SHANK2: variants seen among roughly 807,000 people sequenced by gnomAD.
SHANK2 encodes the protein SH3 and multiple ankyrin repeat domains protein 2.
Under a neutral mutation model 133.7 loss-of-function variants are expected in SHANK2, and 43 were observed. The observed-to-expected ratio is 0.32, with a 90% CI of 0.25 to 0.41. SHANK2 has a LOEUF of 0.41. Ranked by LOEUF, SHANK2 falls within the 10% of genes least tolerant of loss-of-function variation. The probability of loss-of-function intolerance (pLI) is 1.00; values close to 1 mark genes in which losing one functional copy is unlikely to be tolerated. For missense variants in SHANK2, 1,994 were observed against 2,235.8 expected, an observed-to-expected ratio of 0.89 and a Z score of 2.18; for synonymous variants, 1,017 against 952.8, an observed-to-expected ratio of 1.07 and a Z score of -1.24.
intron 6 of SHANK2, among the ~76,000 whole-genome samples, chr11:71,109,227 C>T (rs1426503257): frequency 3.9e-5 from 6 of 152,106 alleles, no homozygotes; most frequent in African/African-American, 1.4e-4. Flanking sequence ...CCAGTAGGAC[C>T]TAACCTCTGC....
chr11:71,127,663 T>C (rs1952216592), intron 3 of SHANK2, among the ~76,000 whole-genome samples: 1 of 152,220 alleles, frequency 6.6e-6, no homozygotes, highest in African/African-American at 2.4e-5. Context: ...CACTGCTTTT[T>C]TAGACATGAT....
chr11:71,183,563 C>A (rs1420505397), intron 2 of SHANK2, among the ~76,000 whole-genome samples: 1 of 152,218 alleles, frequency 6.6e-6, no homozygotes, highest in Non-Finnish European at 1.5e-5. Context: ...CTAGAAATCA[C>A]TACATCAATG....
intron 10 of SHANK2, among the ~76,000 whole-genome samples, chr11:70,932,987 A>G (rs1477011633): frequency 1.3e-5 from 2 of 152,222 alleles, no homozygotes; most frequent in South Asian, 2.1e-4. Context: ...TAGAATTCCT[A>G]TATGACCCAG....
intron 15 of SHANK2, among the ~76,000 whole-genome samples, chr11:70,675,426 T>C (rs1944888515): frequency 6.6e-6 from 1 of 152,142 alleles, no homozygotes; most frequent in African/African-American, 2.4e-5. Flanking sequence ...GGTTGAGTGA[T>C]TTGCACCAGA....
At chr11:70,886,704 C>A (rs1555073584) in intron 11 of SHANK2, among the ~76,000 whole-genome samples, 1 of 146,154 alleles carries the variant, frequency 6.8e-6, no homozygotes. Flanking sequence ...CAATCACACA[C>A]ACACACACAC....
intron 14 of SHANK2, among the ~76,000 whole-genome samples, chr11:70,707,225 A>G (rs1288990224): frequency 6.6e-6 from 1 of 152,010 alleles, no homozygotes; most frequent in Non-Finnish European, 1.5e-5. Context: ...TATAAAATTT[A>G]GCTGGGTGTG....
chr11:70,474,457 G>C (rs2058637552), intron 25 of SHANK2: 1 of 152,274 alleles, frequency 6.6e-6, no homozygotes, highest in South Asian at 2.1e-4. Context: ...ACAGGCAGGA[G>C]GTCCCATCTC....
At chr11:71,234,183 TAAAAAAAAAAAAA>T (rs71049965) in intron 1 of SHANK2, among the ~76,000 whole-genome samples, 1 of 35,472 alleles carries the variant, frequency 2.8e-5, no homozygotes, top group Admixed American at 5.0e-4. Flanking sequence ...CCCTCTCTAC[TAAAAAAAAAAAAA>T]AAAAAAAAAA....
intron 14 of SHANK2, among the ~76,000 whole-genome samples, chr11:70,734,343 G>A (rs1322316490): frequency 6.6e-6 from 1 of 152,232 alleles, no homozygotes; most frequent in African/African-American, 2.4e-5. Context: ...GAGGTCGAGT[G>A]AAGGTGTGTG....
chr11:70,672,377 C>A (rs1238936641), intron 15 of SHANK2, among the ~76,000 whole-genome samples: 8 of 152,160 alleles, frequency 5.3e-5, no homozygotes, highest in African/African-American at 1.9e-4. Context: ...CCATTATAAT[C>A]GAGGATAAAA....
At chr11:70,732,946 C>T (rs149795347) in intron 14 of SHANK2, among the ~76,000 whole-genome samples, 80 of 152,358 alleles carry the variant, frequency 5.3e-4, no homozygotes, top group African/African-American at 1.8e-3. Context: ...ACACAGCCCG[C>T]GCGAATAGTG....
intron 17 of SHANK2, among the ~76,000 whole-genome samples, chr11:70,539,177 C>T (rs2059581798): frequency 6.6e-6 from 1 of 152,124 alleles, no homozygotes; most frequent in Non-Finnish European, 1.5e-5. Context: ...GAGGGAGAGG[C>T]CGGATGGCAG....
At chr11:70,606,787 T>C (rs1322413299) in intron 17 of SHANK2, among the ~76,000 whole-genome samples, 2 of 152,188 alleles carry the variant, frequency 1.3e-5, no homozygotes, top group East Asian at 1.9e-4. Flanking sequence ...TCTGCAGTCC[T>C]GATTCCTGTT....
intron 6 of SHANK2, among the ~76,000 whole-genome samples, chr11:71,099,852 G>A (rs1297343491): frequency 6.6e-6 from 1 of 152,066 alleles, no homozygotes; most frequent in Non-Finnish European, 1.5e-5. Context: ...AGGAGTTCAA[G>A]ACCTGCCTGG....
At chr11:70,948,108 C>T (rs947621088) in intron 10 of SHANK2, among the ~76,000 whole-genome samples, 2 of 151,954 alleles carry the variant, frequency 1.3e-5, no homozygotes, top group Middle Eastern at 3.2e-3. Flanking sequence ...TCCTGAGGGC[C>T]CACTCTTTCC....
chr11:71,214,263 A>G (rs1209973907), intron 2 of SHANK2, among the ~76,000 whole-genome samples: 1 of 152,042 alleles, frequency 6.6e-6, no homozygotes, highest in African/African-American at 2.4e-5. Context: ...TCACTCAGCC[A>G]CCTCCATCAG....
At chr11:71,105,621 G>T (rs1430840548) in intron 6 of SHANK2, among the ~76,000 whole-genome samples, 1 of 150,866 alleles carries the variant, frequency 6.6e-6, no homozygotes, top group East Asian at 2.0e-4. Context: ...AAAAGAAAGG[G>T]TCAGCAGCTG....
At chr11:71,113,077 C>G (rs1951915857) in intron 5 of SHANK2, among the ~76,000 whole-genome samples, 1 of 152,206 alleles carries the variant, frequency 6.6e-6, no homozygotes, top group Non-Finnish European at 1.5e-5. Flanking sequence ...CCCCCAGCAC[C>G]CACGGCCACA....
chr11:70,821,106 C>CTG (rs1555055866), intron 11 of SHANK2, among the ~76,000 whole-genome samples: 1 of 152,212 alleles, frequency 6.6e-6, no homozygotes, highest in Admixed American at 6.5e-5. Context: ...GTGGGCTGAA[C>CTG]TGTGTCCCCC....
Sources: allele counts gnomAD v4.1 joint callset (sites outside exome capture counted in the v4.1 genomes callset), GRCh38; gene constraint gnomAD v4.1.1; transcripts MANE v1.5; gene names NCBI Gene and HGNC (gene_info 2026-07-23, HGNC 2026-07-21).